Variants in ZFHX3 observed in about 807,000 individuals in gnomAD.
ZFHX3 encodes the protein zinc finger homeobox protein 3.
In ZFHX3, 42 loss-of-function variants were observed where a neutral mutation model predicts 279.1. The ratio of observed to expected loss-of-function variants is 0.15; its 90% confidence interval spans 0.12 to 0.19. ZFHX3 has a LOEUF of 0.19. Ranked by LOEUF, ZFHX3 falls within the 10% of genes least tolerant of loss-of-function variation. ZFHX3 has a pLI of 1.00. For missense variants in ZFHX3, 4,981 were observed against 4,754.0 expected (o/e 1.05, Z -1.40); for synonymous variants, 2,293 against 1,957.8 (o/e 1.17, Z -4.52).
intron 8 of ZFHX3, among the ~76,000 whole-genome samples, chr16:73,068,867 G>C (rs1460348595): frequency 6.6e-6 from 1 of 152,222 alleles, no homozygotes; most frequent in South Asian, 2.1e-4. Flanking sequence ...CAGCTCCACA[G>C]CTCCCTTGAA....
At chr16:73,393,946 T>C (rs2017074058) in intron 3 of ZFHX3, among the ~76,000 whole-genome samples, 2 of 148,162 alleles carry the variant, frequency 1.3e-5, no homozygotes, top group South Asian at 4.2e-4. Context: ...ATATAAAATA[T>C]GTATTATATA....
intron 1 of ZFHX3, among the ~76,000 whole-genome samples, chr16:73,687,011 AATATATATAT>A (rs58565282): frequency 0.012 from 655 of 53,128 alleles, 8 homozygotes; most frequent in Middle Eastern, 0.026. Flanking sequence ...TTTGCAGCTA[AATATATATAT>A]ATATATATAT....
intron 8 of ZFHX3, among the ~76,000 whole-genome samples, chr16:73,078,609 G>A (rs1433632745): frequency 6.6e-6 from 1 of 151,652 alleles, no homozygotes; most frequent in South Asian, 2.1e-4. Flanking sequence ...TGGATTGCTA[G>A]ACAGTGCTGG....
At position 73,880,619 on chromosome 16, in the gene ZFHX3, G is replaced by C. The variant is rs1597156173; in HGVS notation, c.-1608+11032C>G. Among the ~76,000 whole-genome samples the C allele has an allele frequency of 2.0e-5, 3 of 152,136 alleles. No homozygotes were observed. In the East Asian group the frequency reaches 5.8e-4, roughly 29 times the overall value. On this transcript the variant is annotated intron_variant, in intron 1 of 17. Transcript: ENST00000641206. ...TTCAGGCTTAGAGCAGTGTAGCTCT[G>C]TATTAACCTGAAATGCTTCTATCTA...
At chr16:73,784,077 C>A (rs2142306967) in intron 1 of ZFHX3, among the ~76,000 whole-genome samples, 1 of 151,324 alleles carries the variant, frequency 6.6e-6, no homozygotes. Flanking sequence ...GTGAGGGCAG[C>A]AAATCACAGG....
chr16:73,861,666 C>T (rs75672888), intron 1 of ZFHX3, among the ~76,000 whole-genome samples: 308 of 152,234 alleles, frequency 2.0e-3, no homozygotes, highest in South Asian at 4.2e-3. Flanking sequence ...TCTGAATTGC[C>T]GTGACTCAGA....
intron 2 of ZFHX3, among the ~76,000 whole-genome samples, chr16:73,629,284 G>C (rs2052446726): frequency 6.6e-6 from 1 of 152,138 alleles, no homozygotes; most frequent in Non-Finnish European, 1.5e-5. Flanking sequence ...TATTCAGAAG[G>C]ATCGAGATTG....
At chr16:73,572,447 C>A (rs946517911) in intron 2 of ZFHX3, among the ~76,000 whole-genome samples, 1 of 152,144 alleles carries the variant, frequency 6.6e-6, no homozygotes, top group African/African-American at 2.4e-5. Flanking sequence ...GGCTTCAGAG[C>A]GAAAACTCTT....
At chr16:73,046,426 A>G (rs1350133350) in intron 1 of ZFHX3, among the ~76,000 whole-genome samples, 3 of 152,092 alleles carry the variant, frequency 2.0e-5, no homozygotes, top group African/African-American at 7.2e-5. Context: ...TTCCTACCCA[A>G]TGCAGTCCCC....
intron 5 of ZFHX3, among the ~76,000 whole-genome samples, chr16:73,188,103 C>T (rs899441895): frequency 4.6e-5 from 7 of 152,126 alleles, no homozygotes; most frequent in East Asian, 1.9e-4. Flanking sequence ...CCTTGTGATC[C>T]GCCTGCCTCG....
intron 2 of ZFHX3, among the ~76,000 whole-genome samples, chr16:73,599,605 A>T (rs1442483078): frequency 1.3e-5 from 2 of 152,114 alleles, no homozygotes; most frequent in Non-Finnish European, 2.9e-5. Flanking sequence ...TGGATTGCAA[A>T]TTGCTTTGGA....
intron 1 of ZFHX3, among the ~76,000 whole-genome samples, chr16:73,028,707 T>C (rs1354333724): frequency 6.6e-6 from 1 of 152,130 alleles, no homozygotes; most frequent in African/African-American, 2.4e-5. Context: ...GGTACAGGCT[T>C]TGCTTCTCCG....
chr16:73,495,159 T>C (rs536452655), intron 2 of ZFHX3, among the ~76,000 whole-genome samples: 3 of 152,362 alleles, frequency 2.0e-5, no homozygotes, highest in Admixed American at 1.3e-4. Flanking sequence ...AGAATTCCTT[T>C]AGCATGTTAA....
At chr16:73,866,030 C>A (rs1962009837) in intron 1 of ZFHX3, among the ~76,000 whole-genome samples, 1 of 151,874 alleles carries the variant, frequency 6.6e-6, no homozygotes, top group Non-Finnish European at 1.5e-5. Flanking sequence ...TGCTACTGCC[C>A]TAGGAATGGC....
At chr16:73,543,885 G>GGGGAGAGAGAGAGAGAGAGAGA (rs1555523939) in intron 2 of ZFHX3, 86 of 136,506 alleles carry the variant, frequency 6.3e-4, no homozygotes, top group African/African-American at 1.9e-3. Flanking sequence ...AGCGAGAGAG[G>GGGGAGAGAGAGAGAGAGAGAGA]GAGAGAGAGA....
At chr16:73,471,910 G>A (rs1205888218) in intron 2 of ZFHX3, among the ~76,000 whole-genome samples, 1 of 152,134 alleles carries the variant, frequency 6.6e-6, no homozygotes, top group African/African-American at 2.4e-5. Context: ...TCAAACAGGA[G>A]CAAGCCCGCT....
chr16:73,714,626 A>G (rs916897052), intron 1 of ZFHX3, among the ~76,000 whole-genome samples: 1 of 152,216 alleles, frequency 6.6e-6, no homozygotes, highest in African/African-American at 2.4e-5. Context: ...TTAACATTTC[A>G]ACATGTGTGT....
At chr16:73,611,633 T>C (rs916692696) in intron 2 of ZFHX3, among the ~76,000 whole-genome samples, 1 of 152,206 alleles carries the variant, frequency 6.6e-6, no homozygotes, top group African/African-American at 2.4e-5. Context: ...AATTATCCAG[T>C]GAAGGTCTAA....
chr16:72,986,758 A>C (rs1962864617), intron 1 of ZFHX3, among the ~76,000 whole-genome samples: 1 of 152,152 alleles, frequency 6.6e-6, no homozygotes, highest in Non-Finnish European at 1.5e-5. Flanking sequence ...CTTAGGGGAA[A>C]GCCACTGGGT....
Sources: gnomAD v4.1 joint callset for allele counts (sites outside exome capture counted in the v4.1 genomes callset) on GRCh38, gnomAD v4.1.1 for gene constraint, MANE v1.5 for transcripts, NCBI Gene and HGNC (gene_info 2026-07-23, HGNC 2026-07-21) for gene names.